The following PTPRN2 variants were observed in gnomAD, a reference collection of about 807,000 sequenced individuals.
PTPRN2 encodes protein tyrosine phosphatase receptor type N2.
Under a neutral mutation model 118.8 loss-of-function variants are expected in PTPRN2, and 74 were observed. The observed-to-expected ratio is 0.62, with a 90% CI of 0.52 to 0.76. The LOEUF is 0.76. Ranked by LOEUF, PTPRN2 falls within the 30% of genes least tolerant of loss-of-function variation. The pLI, the probability that PTPRN2 is intolerant of heterozygous loss-of-function variation, is 0.00. For missense variants in PTPRN2, 1,481 were observed against 1,394.4 expected (o/e 1.06, Z -0.99); for synonymous variants, 641 against 608.0 (o/e 1.05, Z -0.80).
intron 12 of PTPRN2, among the ~76,000 whole-genome samples, chr7:157,730,871 G>C (rs1585324346): frequency 1.3e-5 from 2 of 152,166 alleles, no homozygotes; most frequent in Non-Finnish European, 2.9e-5. Flanking sequence ...CAGGGACCTG[G>C]CAGCTCTTCC....
chr7:158,158,319 C>T (rs1042966144), intron 6 of PTPRN2, among the ~76,000 whole-genome samples: 39 of 152,196 alleles, frequency 2.6e-4, no homozygotes, highest in East Asian at 3.9e-4. Context: ...GACTGGGCTG[C>T]GGGGAACACG....
chr7:158,257,103 G>C (rs1219375988), intron 3 of PTPRN2, among the ~76,000 whole-genome samples: 2 of 152,154 alleles, frequency 1.3e-5, no homozygotes, highest in Admixed American at 6.5e-5. Context: ...AAATGGAGTT[G>C]AATGAGGGAC....
intron 3 of PTPRN2, among the ~76,000 whole-genome samples, chr7:158,267,792 G>A (rs1797982132): frequency 6.6e-6 from 1 of 152,216 alleles, no homozygotes; most frequent in African/African-American, 2.4e-5. Context: ...CTCTATGCCA[G>A]GCTGAGCTTC....
chr7:157,972,829 ACCACGAGAACAGGG>A (rs2128819351), intron 11 of PTPRN2, among the ~76,000 whole-genome samples: 1 of 136,448 alleles, frequency 7.3e-6, no homozygotes, highest in African/African-American at 2.7e-5. Context: ...GAAACTCCAC[ACCACGAGAACAGGG>A]CTTCAGAGAC....
rs558643345 is a variant in PTPRN2 at position 157,622,544 on chromosome 7, G to A, written c.2197-1035C>T. On this transcript the variant is annotated intron_variant, in intron 14 of 22. Transcript: ENST00000389418. This position sits in a 1 kb window ranked among gnomAD's most constrained non-coding sequence, Gnocchi z 5.3. ...CACAGAGGGAGGGAGGGCTGGACAC[G>A]GCGAGGCGGGAATCTCAGGTCATCG... Among the ~76,000 whole-genome samples the A allele has an allele frequency of 5.3e-5, 8 of 152,284 alleles. No homozygotes were observed. The highest frequency in any genetic ancestry group is 8.8e-5 in the Non-Finnish European group (6 of 68,032).
chr7:158,214,397 T>TACACACACAC lies in PTPRN2; in HGVS notation c.278-9134_278-9125dup, dbSNP rs144370539. ...GCCGCAATCCGGAAACACCAGCGTG[T>TACACACACAC]ACACACACACACACACACACACACA... is the stretch of plus-strand genomic sequence containing the variant. On this transcript the variant is annotated intron_variant, in intron 3 of 22. Coordinates refer to ENST00000389418, the MANE Select transcript of PTPRN2 (RefSeq NM_002847.5). Among the ~76,000 whole-genome samples the TACACACACAC allele has an allele frequency of 1.6e-3, 236 of 145,862 alleles. 1 individual carries two copies. The highest frequency in any genetic ancestry group is 5.4e-3 in the East Asian group (26 of 4,832).
At chr7:157,761,922 A>G (rs1802155767) in intron 12 of PTPRN2, among the ~76,000 whole-genome samples, 2 of 152,322 alleles carry the variant, frequency 1.3e-5, no homozygotes, top group Non-Finnish European at 2.9e-5. Context: ...CCCCATCAAA[A>G]AGTGGGCGAA....
At chr7:157,865,993 C>G (rs909506348) in intron 12 of PTPRN2, 7 of 152,436 alleles carry the variant, frequency 4.6e-5, no homozygotes, top group Admixed American at 3.9e-4. Flanking sequence ...CCTCCTTCCC[C>G]GCTGCCGCGC....
intron 12 of PTPRN2, among the ~76,000 whole-genome samples, chr7:157,872,461 A>ACCCAG (rs1811163875): frequency 2.7e-5 from 4 of 146,696 alleles, no homozygotes; most frequent in African/African-American, 1.0e-4. Flanking sequence ...ACACACGCAT[A>ACCCAG]TCCAGTGTCC....
intron 3 of PTPRN2, among the ~76,000 whole-genome samples, chr7:158,277,390 C>T (rs1437455480): frequency 1.3e-5 from 2 of 152,302 alleles, no homozygotes; most frequent in South Asian, 2.1e-4. Flanking sequence ...GTGCTCCAGA[C>T]GGAGGAGGCC....
intron 11 of PTPRN2, among the ~76,000 whole-genome samples, chr7:158,049,458 C>T (rs890164360): frequency 3.9e-5 from 6 of 152,206 alleles, no homozygotes; most frequent in Non-Finnish European, 8.8e-5. Context: ...GAACTGCTGC[C>T]TGAGCATCCA....
intron 10 of PTPRN2, among the ~76,000 whole-genome samples, chr7:158,106,603 G>A (rs1815703301): frequency 6.6e-6 from 1 of 152,172 alleles, no homozygotes; most frequent in African/African-American, 2.4e-5. Context: ...TGTCTCCAGG[G>A]GCTGATGAAA....
chr7:158,316,982 G>C (rs766337871), intron 2 of PTPRN2, 50 bp from the exon 3 acceptor site: 8 of 1,407,252 alleles, frequency 5.7e-6, no homozygotes, highest in Middle Eastern at 1.8e-4. Context: ...CATTTTCAGA[G>C]AGCAGGAAGG....
At chr7:158,325,785 G>A (rs931973019) in intron 2 of PTPRN2, among the ~76,000 whole-genome samples, 3 of 152,272 alleles carry the variant, frequency 2.0e-5, no homozygotes, top group African/African-American at 7.2e-5. Context: ...GCTGGGCAGG[G>A]ACTGCGACCA....
chr7:158,404,990 CCAGCCTCCAGCTCCT>C (rs1813288105), intron 2 of PTPRN2, among the ~76,000 whole-genome samples: 1 of 146,126 alleles, frequency 6.8e-6, no homozygotes, highest in Admixed American at 6.8e-5. Context: ...CCTCAGCTCC[CCAGCCTCCAGCTCCT>C]CGGCCTCAGC....
intron 5 of PTPRN2, among the ~76,000 whole-genome samples, chr7:158,175,531 C>T (rs529820974): frequency 1.3e-5 from 2 of 152,272 alleles, no homozygotes; most frequent in East Asian, 3.9e-4. Context: ...TTTAACAGTG[C>T]TCAGGCTCTA....
chr7:158,495,921 G>T (rs936136828), intron 1 of PTPRN2, among the ~76,000 whole-genome samples: 2 of 152,034 alleles, frequency 1.3e-5, no homozygotes, highest in African/African-American at 4.8e-5. Context: ...GGGAGAGAGG[G>T]AGGAGGAAGG....
At chr7:157,661,453 G>A (rs1055194885) in intron 13 of PTPRN2, among the ~76,000 whole-genome samples, 1 of 152,010 alleles carries the variant, frequency 6.6e-6, no homozygotes, top group Non-Finnish European at 1.5e-5. Flanking sequence ...CTCTCCCTGC[G>A]GGCTTCCGCC....
chr7:157,728,678 C>T (rs1334325857), intron 12 of PTPRN2, among the ~76,000 whole-genome samples: 2 of 152,230 alleles, frequency 1.3e-5, no homozygotes, highest in South Asian at 2.1e-4. Flanking sequence ...TCTGCGGCTC[C>T]TTCCTTTGCC....
Sources: gnomAD v4.1 joint callset for allele counts (sites outside exome capture counted in the v4.1 genomes callset) on GRCh38, gnomAD v4.1.1 for gene constraint, Gnocchi (gnomAD v3.1) non-coding constraint, MANE v1.5 for transcripts, NCBI Gene and HGNC (gene_info 2026-07-23, HGNC 2026-07-21) for gene names.